Variants in SCN1A observed in about 807,000 individuals in gnomAD.
SCN1A encodes sodium channel protein type 1 subunit alpha.
In SCN1A, 13 loss-of-function variants were observed where a neutral mutation model predicts 193.7. The ratio of observed to expected loss-of-function variants is 0.07; its 90% CI spans 0.04 to 0.11. The LOEUF is 0.11. Ranked by LOEUF, SCN1A falls within the 10% of genes least tolerant of loss-of-function variation. SCN1A has a pLI of 1.00. For synonymous variants in SCN1A, 781 were observed against 843.6 expected (o/e 0.93, Z 1.29); for missense variants, 1,432 against 2,451.1 (o/e 0.58, Z 8.78).
At chr2:166,139,166 G>T (rs1377435326) in intron 1 of SCN1A, among the ~76,000 whole-genome samples, 3 of 149,822 alleles carry the variant, frequency 2.0e-5, no homozygotes, top group Non-Finnish European at 4.5e-5. Flanking sequence ...ACTTTGGATT[G>T]TGGACTTTTC....
chr2:165,998,285 A>ATT (rs35180275), intron 25 of SCN1A, 110 bp from the exon 26 acceptor site: 724 of 703,386 alleles, frequency 1.0e-3, no homozygotes, highest in Middle Eastern at 2.3e-3. Context: ...ATATGTCAGC[A>ATT]TTTTTTTTTT....
At chr2:166,048,774 G>A (rs77450394) in intron 10 of SCN1A, 112 bp downstream of exon 10, 2 of 729,158 alleles carry the variant, frequency 2.7e-6, no homozygotes, top group African/African-American at 1.8e-5. Flanking sequence ...GCAAATTAAT[G>A]TCAATAAAAT....
chr2:166,122,701 C>T (rs552989543), intron 2 of SCN1A, among the ~76,000 whole-genome samples: 2 of 152,000 alleles, frequency 1.3e-5, no homozygotes, highest in Non-Finnish European at 2.9e-5. Context: ...TGAACCCCTA[C>T]CTCACATTAT....
At chr2:166,002,253 G>A (rs1292409142) in intron 24 of SCN1A, among the ~76,000 whole-genome samples, 1 of 151,540 alleles carries the variant, frequency 6.6e-6, no homozygotes, top group Non-Finnish European at 1.5e-5. Context: ...AAGACAAAGA[G>A]GTCTTTGTTT....
chr2:166,000,020 T>G (rs1690616408), intron 24 of SCN1A: 1 of 530,410 alleles, frequency 1.9e-6, no homozygotes, highest in Admixed American at 3.1e-5. Context: ...CAAGCACTTT[T>G]CAATTCTTTA....
chr2:166,069,297 C>T (rs1375376922), intron 4 of SCN1A, among the ~76,000 whole-genome samples: 9 of 152,060 alleles, frequency 5.9e-5, no homozygotes, highest in Admixed American at 3.3e-4. Flanking sequence ...GATCTAAAAA[C>T]CTTCTAATGC....
chr2:166,148,972 C>T (rs947540447), intron 1 of SCN1A: 5 of 152,222 alleles, frequency 3.3e-5, no homozygotes, highest in African/African-American at 9.6e-5. Flanking sequence ...TTTCTCCCTG[C>T]ACCTCTCAGC....
intron 2 of SCN1A, among the ~76,000 whole-genome samples, chr2:166,103,741 A>G (rs943546484): frequency 6.6e-6 from 1 of 152,200 alleles, no homozygotes; most frequent in African/African-American, 2.4e-5. Flanking sequence ...AATACCATAA[A>G]GAACACTAAT....
At chr2:165,995,953 A>C in intron 27 of SCN1A, 60 bp downstream of exon 27, 1 of 1,138,938 alleles carries the variant, frequency 8.8e-7, no homozygotes, top group Admixed American at 1.7e-5. Flanking sequence ...CTTTTTTGTG[A>C]GACAAGCATG....
At chr2:166,131,769 G>A (rs1200333040), upstream of SCN1A, among the ~76,000 whole-genome samples, 1 of 152,144 alleles carries the variant, frequency 6.6e-6, no homozygotes, top group African/African-American at 2.4e-5. Flanking sequence ...GTATCTCCTG[G>A]AGTTGTGGAG....
intron 19 of SCN1A, among the ~76,000 whole-genome samples, chr2:166,025,263 T>A (rs1047972743): frequency 6.6e-6 from 1 of 152,132 alleles, no homozygotes; most frequent in African/African-American, 2.4e-5. Context: ...AAGTTTACTG[T>A]CGTTGGCAGA....
At chr2:166,026,197 C>G (rs1038776776) in intron 19 of SCN1A, among the ~76,000 whole-genome samples, 2 of 151,954 alleles carry the variant, frequency 1.3e-5, no homozygotes, top group East Asian at 3.9e-4. Context: ...TTTACTTTTG[C>G]TATTAATATT....
At chr2:166,133,900 T>C (rs1691756718) in intron 1 of SCN1A, 1 of 152,090 alleles carries the variant, frequency 6.6e-6, no homozygotes, top group South Asian at 2.1e-4. Context: ...CTCAATAATC[T>C]CTTTGAAAGT....
In SCN1A at chr2:165,990,330, A is replaced by G. The variant is rs895421216; in HGVS notation, c.*915T>C. The G allele has an allele frequency of 6.6e-6, 1 of 152,588 alleles. No individual in the cohort carries two copies. The highest frequency in any genetic ancestry group is 2.4e-5 in the African/African-American group (1 of 41,438). The allele number at this position is 152,588 out of a possible 1,614,324, so 9.5% of individuals were successfully genotyped here. ...CCTTGCTGAGAGCCGAAGATGGCTA[A>G]ACAAAGTGCAGGAAAAAGCAGAAAT... On this transcript the variant is annotated 3_prime_UTR_variant, in exon 29 of 29. Coordinates refer to ENST00000674923, the MANE Select transcript of SCN1A (RefSeq NM_001165963.4).
At chr2:166,138,464 G>T (rs1691951000) in intron 1 of SCN1A, among the ~76,000 whole-genome samples, 1 of 152,192 alleles carries the variant, frequency 6.6e-6, no homozygotes, top group Non-Finnish European at 1.5e-5. Flanking sequence ...TGGCTGAAAG[G>T]GGCCAACATA....
At chr2:166,139,048 A>C (rs1691977180) in intron 1 of SCN1A, among the ~76,000 whole-genome samples, 1 of 152,126 alleles carries the variant, frequency 6.6e-6, no homozygotes, top group Non-Finnish European at 1.5e-5. Flanking sequence ...AATTTCTCCC[A>C]TTTTGAATGG....
At chr2:166,058,195 G>T (rs1233600571) in intron 5 of SCN1A, among the ~76,000 whole-genome samples, 1 of 152,032 alleles carries the variant, frequency 6.6e-6, no homozygotes, top group Admixed American at 6.6e-5. Context: ...TCTGGAAGTA[G>T]ATTTTTCTGT....
chr2:165,990,928 TAAAC>T lies in SCN1A; in HGVS notation c.*313_*316del, dbSNP rs902180154. 29 of 305,780 alleles carry T rather than the reference TAAAC, an allele frequency of 9.5e-5. No individual in the cohort carries two copies. The highest frequency in any genetic ancestry group is 3.4e-4 in the East Asian group (5 of 14,742). 18.9% of individuals were successfully genotyped at this position (305,780 alleles called of 1,614,324 possible). A position where few individuals can be genotyped will look rare whatever the true frequency, so the allele number is the denominator to read the frequency against. ...ATTACTACACTAAAGTGTTTCATGT[TAAAC>T]AACCCCAAAATCACAGGTTTGCACC... On this transcript the variant is annotated 3_prime_UTR_variant, in exon 29 of 29. Transcript: ENST00000674923.
At position 166,056,633 on chromosome 2, in the gene SCN1A, A is replaced by G. The variant is rs1431225910; in HGVS notation, c.384-133T>C. The G allele has an allele frequency of 2.3e-5, 16 of 682,656 alleles. No homozygotes were observed. The East Asian group carries it at 4.0e-4, about 17-fold the overall frequency. The allele number at this position is 682,656 out of a possible 1,614,324, so 42.3% of individuals were successfully genotyped here. ...TAAATGCATTGTGGGCAAGTCTTCT[A>G]ATCTCCTTACATTTCAATTTCTTCA... On this transcript the variant is annotated intron_variant, in intron 5 of 28. Coordinates refer to ENST00000674923, the MANE Select transcript of SCN1A (RefSeq NM_001165963.4).
Sources: gnomAD v4.1 joint callset for allele counts (sites outside exome capture counted in the v4.1 genomes callset) on GRCh38, gnomAD v4.1.1 for gene constraint, MANE v1.5 for transcripts, NCBI Gene and HGNC (gene_info 2026-07-23, HGNC 2026-07-21) for gene names.